WEE2: variants seen among roughly 807,000 people sequenced by gnomAD.
WEE2 encodes the protein WEE2 oocyte meiosis inhibiting kinase, also known as wee1-like protein kinase 2.
In WEE2, 50 loss-of-function variants were observed where a neutral mutation model predicts 60.1. The ratio of observed to expected loss-of-function variants is 0.83; its 90% confidence interval spans 0.66 to 1.05. The LOEUF (loss-of-function observed/expected upper bound fraction) is 1.05. Among genes scored for constraint, WEE2 ranks in the 50% least tolerant of loss-of-function variants. WEE2 has a pLI of 0.00. For missense variants in WEE2, 631 were observed against 684.3 expected (o/e 0.92, Z 0.87); for synonymous variants, 240 against 241.0 (o/e 1.00, Z 0.04).
At position 141,708,408 on chromosome 7, in the gene WEE2, C is replaced by T. The variant is rs544111057; in HGVS notation, c.-351C>T. The T allele has an allele frequency of 3.9e-4, 89 of 227,292 alleles. No individual in the cohort carries two copies. Among genetic ancestry groups the T allele is most frequent in the African/African-American group, 1.7e-3 (76 of 44,402 alleles). 14.1% of individuals were successfully genotyped at this position (227,292 alleles called of 1,614,324 possible). The stretch of plus-strand genomic sequence containing the variant: ...ATTGGCTAATGGGTATTTTTAAAGC[C>T]ATGCTAAATTAAAGGAATTCAATTT... On this transcript the variant is annotated 5_prime_UTR_variant, in exon 1 of 12. Coordinates refer to ENST00000397541, the MANE Select transcript of WEE2 (RefSeq NM_001105558.1).
At chr7:141,719,520 GGC>G (rs1220704800) in intron 4 of WEE2, among the ~76,000 whole-genome samples, 1 of 152,098 alleles carries the variant, frequency 6.6e-6, no homozygotes, top group Non-Finnish European at 1.5e-5. Flanking sequence ...GTGTGATCTT[GGC>G]TCACTGCAAT....
At chr7:141,715,875 C>T (rs1798785820) in intron 2 of WEE2, among the ~76,000 whole-genome samples, 1 of 152,174 alleles carries the variant, frequency 6.6e-6, no homozygotes, top group Non-Finnish European at 1.5e-5. Flanking sequence ...TTAACAGTTG[C>T]ACATATGTTC....
At position 141,719,262 on chromosome 7, in the gene WEE2, G is replaced by A. The variant is rs1798861607; in HGVS notation, c.758+18G>A. 1.3e-6 allele frequency: 2 copies of A among 1,558,464 alleles called. No homozygotes were observed. The highest frequency in any genetic ancestry group is 1.7e-6 in the Non-Finnish European group (2 of 1,150,680). On this transcript the variant is annotated intron_variant, in intron 4 of 11. Coordinates refer to ENST00000397541, the MANE Select transcript of WEE2 (RefSeq NM_001105558.1). ...TCAAATGAGTGAGTACCTTTGAAAT[G>A]CACTAAAAATATAAACTTAGATTTG... is the stretch of plus-strand genomic sequence containing the variant.
intron 5 of WEE2, among the ~76,000 whole-genome samples, chr7:141,721,461 A>AT (rs909592540): frequency 2.5e-4 from 37 of 148,742 alleles, no homozygotes; most frequent in African/African-American, 5.9e-4. Flanking sequence ...GAGTGACTTC[A>AT]TTTTTTTTTT....
chr7:141,715,395 AT>A lies in WEE2; in HGVS notation c.540-824del, dbSNP rs1176043809. On this transcript the variant is annotated intron_variant, in intron 2 of 11. Coordinates refer to ENST00000397541, the MANE Select transcript of WEE2 (RefSeq NM_001105558.1). ...GAGAGTATTTTTCCTTATTTTTATAATTTATAAACACTTCATAAAGTATTAC... is the reference window on the plus strand; with the variant it reads ...GAGAGTATTTTTCCTTATTTTTATAATTATAAACACTTCATAAAGTATTAC... Among the ~76,000 whole-genome samples, 5 of 152,274 alleles carry A rather than the reference AT, an allele frequency of 3.3e-5. No homozygotes were observed. The South Asian group carries it at 1.0e-3, about 32-fold the overall frequency.
intron 11 of WEE2, 112 bp downstream of exon 11, chr7:141,729,785 G>A (rs1226720306): frequency 5.6e-6 from 7 of 1,248,516 alleles, no homozygotes; most frequent in East Asian, 2.5e-5. Flanking sequence ...TCAGGAGATC[G>A]AAACCATCCT....
intron 8 of WEE2, 86 bp from the exon 9 acceptor site, chr7:141,724,940 G>A (rs1250875710): frequency 7.5e-6 from 11 of 1,475,776 alleles, no homozygotes; most frequent in South Asian, 6.5e-5. Flanking sequence ...ATATGCACTC[G>A]AATGAACCTT....
chr7:141,730,485 G>T lies in WEE2; in HGVS notation c.*165G>T, dbSNP rs184466972. 3 of 613,678 alleles carry T rather than the reference G, an allele frequency of 4.9e-6. No individual in the cohort carries two copies. Among genetic ancestry groups the T allele is most frequent in the African/African-American group, 3.8e-5 (2 of 53,294 alleles). The allele number at this position is 613,678 out of a possible 1,614,324, so 38.0% of individuals were successfully genotyped here. A position where few individuals can be genotyped will look rare whatever the true frequency, so the allele number is the denominator to read the frequency against. ...GAAAATGTGCCTGGATTTCCACAGC[G>T]CTTCCCAGGTTATATGATGCTGTTC... On this transcript the variant is annotated 3_prime_UTR_variant, in exon 12 of 12. Transcript: ENST00000397541.
At chr7:141,726,031 G>A (rs79265800) in intron 9 of WEE2, among the ~76,000 whole-genome samples, 162 of 152,244 alleles carry the variant, frequency 1.1e-3, no homozygotes, top group African/African-American at 3.7e-3. Flanking sequence ...TTAGAAAAAA[G>A]GCATAATGTC....
chr7:141,712,134 C>T (rs1463681650), intron 1 of WEE2, among the ~76,000 whole-genome samples: 1 of 151,684 alleles, frequency 6.6e-6, no homozygotes, highest in East Asian at 1.9e-4. Context: ...TTAAAACATC[C>T]AAACATCCCA....
In WEE2 at chr7:141,716,229, G is replaced by A; in HGVS notation, c.547G>A (p.Ala183Thr). The change falls in exon 3 of 12, where the codon GCT (alanine) becomes ACT (threonine). Residue 183 changes from alanine (A) to threonine (T), a missense_variant. Coordinates refer to ENST00000397541, the MANE Select transcript of WEE2 (RefSeq NM_001105558.1). ...KRKIRGDLEE[A>T]GPEEGKGGLP... is the part of the protein sequence containing the mutation. Reference sequence around the variant, plus strand: ...TTTTTTTTCTTTTTTAAGTGAGGAAGCTGGTCCAGAGGAAGGCAAGGGAGG... The same window carrying A: ...TTTTTTTTCTTTTTTAAGTGAGGAAACTGGTCCAGAGGAAGGCAAGGGAGG... 6.2e-7 allele frequency: 1 copy of A among 1,611,696 alleles called. No individual in the cohort carries two copies. Among genetic ancestry groups the A allele is most frequent in the African/African-American group, 1.3e-5 (1 of 74,836 alleles).
At chr7:141,729,491 G>C in intron 10 of WEE2, 40 bp from the exon 11 acceptor site, 1 of 1,613,816 alleles carries the variant, frequency 6.2e-7, no homozygotes, top group East Asian at 2.2e-5. Context: ...TCTCTGACTG[G>C]AGATCAAGTA....
chr7:141,712,030 G>A (rs926929307), intron 1 of WEE2, among the ~76,000 whole-genome samples: 4 of 152,104 alleles, frequency 2.6e-5, no homozygotes, highest in African/African-American at 9.7e-5. Context: ...CACCCACCAG[G>A]CCCTACCTCC....
At chr7:141,715,651 C>T (rs1034671292) in intron 2 of WEE2, among the ~76,000 whole-genome samples, 3 of 152,116 alleles carry the variant, frequency 2.0e-5, no homozygotes, top group Non-Finnish European at 4.4e-5. Flanking sequence ...GCAGATTCTG[C>T]CCTACTTGCA....
At chr7:141,716,449 CTCTCCTTCTGCCCT>C (rs565518251) in intron 3 of WEE2, among the ~76,000 whole-genome samples, 182 bp downstream of exon 3, 2 of 149,742 alleles carry the variant, frequency 1.3e-5, no homozygotes, top group African/African-American at 2.5e-5. Context: ...TTCTTCTACC[CTCTCCTTCTGCCCT>C]TCTCCTTCTG....
At chr7:141,719,032 G>A in intron 3 of WEE2, 40 bp from the exon 4 acceptor site, 3 of 1,592,386 alleles carry the variant, frequency 1.9e-6, no homozygotes, top group Non-Finnish European at 2.6e-6. Flanking sequence ...TTACAACATG[G>A]TAGAATTACT....
In WEE2 at chr7:141,715,353, T is replaced by A. The variant is rs1584739662; in HGVS notation, c.540-869T>A. On this transcript the variant is annotated intron_variant, in intron 2 of 11. Coordinates refer to ENST00000397541, the MANE Select transcript of WEE2 (RefSeq NM_001105558.1). ...ATGAAATCCTGACACTTTTGTAGCGTCATTTGGTGCTTCTAAGAGAGTATT... is the reference window on the plus strand; with the variant it reads ...ATGAAATCCTGACACTTTTGTAGCGACATTTGGTGCTTCTAAGAGAGTATT... 5.3e-5 allele frequency among the ~76,000 whole-genome samples: 8 copies of A among 152,304 alleles called. 2 individuals are homozygous for A. Among genetic ancestry groups the A allele is most frequent in the Admixed American group, 5.2e-4 (8 of 15,294 alleles).
chr7:141,727,635 T>C lies in WEE2; in HGVS notation c.1535+189T>C, dbSNP rs569661190. The C allele has an allele frequency of 2.3e-4, 146 of 630,122 alleles. No individual in the cohort carries two copies. The African/African-American group carries it at 2.6e-3, about 11-fold the overall frequency. The allele number at this position is 630,122 out of a possible 1,614,324, so 39.0% of individuals were successfully genotyped here. ...AGCATCGGGCTGGGAGGCTCTGTGA[T>C]TAGGTTGCTTGAGAGAGAAAATTCC... is the stretch of plus-strand genomic sequence containing the variant. On this transcript the variant is annotated intron_variant, in intron 10 of 11. Coordinates refer to ENST00000397541, the MANE Select transcript of WEE2 (RefSeq NM_001105558.1).
chr7:141,708,887 G>T lies in WEE2; in HGVS notation c.129G>T (p.Lys43Asn), dbSNP rs775864094. 2 of 1,614,196 alleles carry T rather than the reference G, an allele frequency of 1.2e-6. No homozygotes were observed. The highest frequency in any genetic ancestry group is 2.2e-5 in the East Asian group (1 of 44,888). ...AGGCTTCGAGCCAAACCCCAGAGAAGGGTGAAGTGCAGGATTCAGAGGCAA... is the reference window on the plus strand; with the variant it reads ...AGGCTTCGAGCCAAACCCCAGAGAATGGTGAAGTGCAGGATTCAGAGGCAA... ...SREASSQTPE[K>N]GEVQDSEAKG... is the part of the protein sequence containing the mutation. The change falls in exon 1 of 12, where the codon AAG becomes AAT. Residue 43 changes from lysine (K) to asparagine (N), a missense_variant. By Grantham distance (94) the Lys-to-Asn change is moderately conservative. Coordinates refer to ENST00000397541, the MANE Select transcript of WEE2 (RefSeq NM_001105558.1).
Sources: allele counts gnomAD v4.1 joint callset (sites outside exome capture counted in the v4.1 genomes callset), GRCh38; gene constraint gnomAD v4.1.1; transcripts MANE v1.5; gene names NCBI Gene and HGNC (gene_info 2026-07-23, HGNC 2026-07-21).